The following PRKCE variants were observed in gnomAD, a reference collection of about 807,000 sequenced individuals.
The protein encoded by PRKCE is protein kinase C epsilon type.
Under a neutral mutation model 85.4 loss-of-function variants are expected in PRKCE, and 16 were observed. The observed-to-expected ratio is 0.19, with a 90% CI of 0.13 to 0.28. The LOEUF (loss-of-function observed/expected upper bound fraction) is 0.28. Among genes scored for constraint, PRKCE ranks in the 10% least tolerant of loss-of-function variants. The pLI, the probability that PRKCE is intolerant of heterozygous loss-of-function variation, is 1.00. For missense variants in PRKCE, 573 were observed against 975.2 expected (o/e 0.59, Z 5.49); for synonymous variants, 388 against 371.5 (o/e 1.04, Z -0.51).
Position 45,713,963 on chromosome 2 carries a change from A to G in PRKCE, c.348+61515A>G, listed in dbSNP as rs115979496. 7.2e-3 allele frequency among the ~76,000 whole-genome samples: 1,090 copies of G among 152,146 alleles called. 14 individuals carry two copies. The highest frequency in any genetic ancestry group is 0.024 in the African/African-American group (989 of 41,512). ...AAATGTCTCTTCCTTCAACCCCCACACCTCCAAAAGGGAAGGGCATTGACA... is the reference window on the plus strand; with the variant it reads ...AAATGTCTCTTCCTTCAACCCCCACGCCTCCAAAAGGGAAGGGCATTGACA... On this transcript the variant is annotated intron_variant, in intron 1 of 14. Transcript: ENST00000306156.
chr2:45,953,782 G>A (rs1700790178), intron 2 of PRKCE, among the ~76,000 whole-genome samples: 1 of 152,180 alleles, frequency 6.6e-6, no homozygotes, highest in South Asian at 2.1e-4. Context: ...TGGGCCACAG[G>A]CGCTGGCTTT....
At chr2:45,974,853 C>A (rs1702339297) in intron 2 of PRKCE, among the ~76,000 whole-genome samples, 2 of 152,104 alleles carry the variant, frequency 1.3e-5, no homozygotes, top group Admixed American at 1.3e-4. Flanking sequence ...TTTAAGCTGA[C>A]CTGTGCAGGG....
intron 1 of PRKCE, among the ~76,000 whole-genome samples, chr2:45,720,692 AG>A (rs1377046020): frequency 2.6e-5 from 4 of 152,220 alleles, no homozygotes; most frequent in Non-Finnish European, 5.9e-5. Flanking sequence ...TTATTCATGC[AG>A]GTGATAGTTA....
chr2:45,980,219 C>A (rs764300100), intron 4 of PRKCE, 77 bp from the exon 5 acceptor site: 81 of 1,424,890 alleles, frequency 5.7e-5, no homozygotes, highest in Middle Eastern at 1.8e-4. Flanking sequence ...GTCACTCCAC[C>A]AAGCCCTGAA....
At chr2:45,664,497 A>G (rs1675821382) in intron 1 of PRKCE, among the ~76,000 whole-genome samples, 1 of 152,230 alleles carries the variant, frequency 6.6e-6, no homozygotes. Context: ...AGTAATAACC[A>G]ACTGAAGGGT....
At chr2:45,807,092 G>C (rs1320031920) in intron 1 of PRKCE, among the ~76,000 whole-genome samples, 1 of 152,218 alleles carries the variant, frequency 6.6e-6, no homozygotes, top group Admixed American at 6.5e-5. Flanking sequence ...GATAGGCCTT[G>C]GTGTTGAATA....
At chr2:46,121,526 T>C (rs955324321) in intron 11 of PRKCE, among the ~76,000 whole-genome samples, 2 of 152,118 alleles carry the variant, frequency 1.3e-5, no homozygotes, top group African/African-American at 4.8e-5. Context: ...CATCACACAG[T>C]GGACTCTGAG....
At chr2:46,103,091 T>A (rs1364135809) in intron 11 of PRKCE, among the ~76,000 whole-genome samples, 1 of 152,244 alleles carries the variant, frequency 6.6e-6, no homozygotes, top group Non-Finnish European at 1.5e-5. Flanking sequence ...ATATATGTAT[T>A]TGCTCATTTA....
intron 2 of PRKCE, among the ~76,000 whole-genome samples, chr2:45,920,398 C>T (rs764865683): frequency 8.5e-5 from 13 of 152,216 alleles, no homozygotes; most frequent in Admixed American, 2.0e-4. Context: ...TATAACCCAG[C>T]AGTTCCACTC....
intron 14 of PRKCE, among the ~76,000 whole-genome samples, chr2:46,182,628 A>G (rs1444507876): frequency 6.6e-6 from 1 of 152,132 alleles, no homozygotes; most frequent in Non-Finnish European, 1.5e-5. Flanking sequence ...GAGAGAAGAC[A>G]CCAGGCAGGA....
chr2:46,187,906 G>A lies in PRKCE; in HGVS notation c.*3025G>A, dbSNP rs758654014. 1.3e-5 allele frequency: 2 copies of A among 151,700 alleles called. No individual in the cohort carries two copies. The highest frequency in any genetic ancestry group is 2.9e-5 in the Non-Finnish European group (2 of 67,944). 9.4% of individuals were successfully genotyped at this position (151,700 alleles called of 1,614,324 possible). A position where few individuals can be genotyped will look rare whatever the true frequency, so the allele number is the denominator to read the frequency against. On this transcript the variant is annotated 3_prime_UTR_variant, in exon 15 of 15. Coordinates refer to ENST00000306156, the MANE Select transcript of PRKCE (RefSeq NM_005400.3). ...TCATTAGTGTTATTTCATTGTAAAC[G>A]TTATTGTGCCAAATGTACTGTATTC...
At chr2:45,984,230 A>G (rs950703635) in intron 5 of PRKCE, among the ~76,000 whole-genome samples, 2 of 152,072 alleles carry the variant, frequency 1.3e-5, no homozygotes, top group African/African-American at 4.8e-5. Flanking sequence ...GATCCACTGC[A>G]CCCGGCCTGA....
At chr2:45,855,918 T>A (rs977358716) in intron 2 of PRKCE, among the ~76,000 whole-genome samples, 1 of 152,056 alleles carries the variant, frequency 6.6e-6, no homozygotes, top group Non-Finnish European at 1.5e-5. Flanking sequence ...ACCTTCTGTC[T>A]TTGCTTGAGA....
intron 1 of PRKCE, among the ~76,000 whole-genome samples, chr2:45,690,264 CATCTAAGTTAAAAAGAT>C (rs144473367): frequency 0.029 from 4,358 of 152,272 alleles, 77 homozygotes; most frequent in Admixed American, 0.048. Flanking sequence ...ATGACTGTAA[CATCTAAGTTAAAAAGAT>C]GTCTGAGATG....
intron 10 of PRKCE, among the ~76,000 whole-genome samples, chr2:46,022,538 G>T (rs1428876676): frequency 6.6e-6 from 1 of 152,156 alleles, no homozygotes; most frequent in Non-Finnish European, 1.5e-5. Flanking sequence ...TGAAGCAATG[G>T]GCTTCACCCA....
intron 1 of PRKCE, among the ~76,000 whole-genome samples, chr2:45,739,393 G>A (rs568463463): frequency 2.0e-5 from 3 of 152,290 alleles, no homozygotes; most frequent in East Asian, 3.9e-4. Context: ...AGGGGCAGCT[G>A]TTGACTCAGT....
chr2:46,056,400 C>G (rs750748083), intron 10 of PRKCE, among the ~76,000 whole-genome samples: 1 of 152,180 alleles, frequency 6.6e-6, no homozygotes, highest in Non-Finnish European at 1.5e-5. Context: ...GTGAGCTAAG[C>G]ATACAGTAAC....
chr2:45,877,286 T>C (rs559475802), intron 2 of PRKCE, among the ~76,000 whole-genome samples: 1 of 152,320 alleles, frequency 6.6e-6, no homozygotes, highest in South Asian at 2.1e-4. Context: ...ATTTTAATAA[T>C]AACATATTTA....
At chr2:45,799,004 A>G (rs1012702574) in intron 1 of PRKCE, among the ~76,000 whole-genome samples, 2 of 151,992 alleles carry the variant, frequency 1.3e-5, no homozygotes, top group East Asian at 3.9e-4. Context: ...CGTCTCTACT[A>G]AAAATACAAA....
Sources: allele counts gnomAD v4.1 joint callset (sites outside exome capture counted in the v4.1 genomes callset), GRCh38; gene constraint gnomAD v4.1.1; transcripts MANE v1.5; gene names NCBI Gene and HGNC (gene_info 2026-07-23, HGNC 2026-07-21).